SEM1: variants seen among roughly 807,000 people sequenced by gnomAD.
The protein encoded by SEM1 is 26S proteasome complex subunit SEM1.
SEM1 carries 3 observed loss-of-function variants against 12.7 expected under a neutral mutation model. That is an observed-to-expected ratio of 0.24 (90% confidence interval 0.11 to 0.61). The LOEUF is 0.61. SEM1 is among the 20% of genes least tolerant of loss of function. The pLI is 0.88. For missense variants in SEM1, 59 were observed against 81.3 expected (o/e 0.73, Z 1.06); for synonymous variants, 30 against 27.8 (o/e 1.08, Z -0.25).
At chr7:96,671,678 TGAAGA>T (rs1172665642), downstream of SEM1, among the ~76,000 whole-genome samples, 1 of 152,126 alleles carries the variant, frequency 6.6e-6, no homozygotes, top group Non-Finnish European at 1.5e-5. Flanking sequence ...TATAACCGAT[TGAAGA>T]GAAGGGAGGA....
intron 2 of SEM1, among the ~76,000 whole-genome samples, chr7:96,679,665 A>C (rs116616987): frequency 6.6e-6 from 1 of 152,194 alleles, no homozygotes; most frequent in African/African-American, 2.4e-5. Context: ...TAAGGTTTAA[A>C]TTGTCTAGAT....
At chr7:96,506,512 T>C (rs1281225236) in intron 3 of SEM1, 1 of 152,092 alleles carries the variant, frequency 6.6e-6, no homozygotes, top group African/African-American at 2.4e-5. Context: ...AAATGTCACC[T>C]AAGGAAACTC....
downstream of SEM1, among the ~76,000 whole-genome samples, chr7:96,669,235 T>G (rs192365788): frequency 3.1e-3 from 474 of 152,262 alleles, 1 homozygote; most frequent in South Asian, 0.015. Context: ...CAGAAATATA[T>G]TTTTATTTTT....
chr7:96,586,237 A>G (rs2116101695), intron 2 of SEM1, among the ~76,000 whole-genome samples: 1 of 152,232 alleles, frequency 6.6e-6, no homozygotes, highest in South Asian at 2.1e-4. Flanking sequence ...ACAAGAGTTT[A>G]CCACCTCTCT....
intron 2 of SEM1, among the ~76,000 whole-genome samples, chr7:96,557,591 C>T (rs1194070362): frequency 2.1e-5 from 2 of 95,950 alleles, no homozygotes; most frequent in African/African-American, 5.6e-5. Flanking sequence ...CTGCTCTCTT[C>T]AAAGCTGTCA....
downstream of SEM1, among the ~76,000 whole-genome samples, chr7:96,687,588 A>T (rs975592910): frequency 6.6e-6 from 1 of 151,634 alleles, no homozygotes; most frequent in African/African-American, 2.4e-5. Context: ...AACAATGAGA[A>T]CACATGGACA....
At chr7:96,685,966 A>G (rs1789750442), downstream of SEM1, among the ~76,000 whole-genome samples, 2 of 152,070 alleles carry the variant, frequency 1.3e-5, no homozygotes, top group African/African-American at 4.8e-5. Context: ...AAGTAACATC[A>G]GAACTCATGC....
chr7:96,530,923 T>A (rs1161806596), intron 2 of SEM1, among the ~76,000 whole-genome samples: 1 of 151,948 alleles, frequency 6.6e-6, no homozygotes, highest in Non-Finnish European at 1.5e-5. Flanking sequence ...AAGAACATGA[T>A]CATCATGAGA....
intron 2 of SEM1, among the ~76,000 whole-genome samples, chr7:96,647,897 C>G (rs1467101752): frequency 6.6e-6 from 1 of 152,216 alleles, no homozygotes; most frequent in African/African-American, 2.4e-5. Context: ...GAAGTTTGCT[C>G]TCTCCTGCAG....
At position 96,709,684 on chromosome 7, in the gene SEM1, T is replaced by C; in HGVS notation, c.76+4A>G. The C allele has an allele frequency of 6.2e-7, 1 of 1,613,130 alleles. No individual in the cohort carries two copies. Among genetic ancestry groups the C allele is most frequent in the Non-Finnish European group, 8.5e-7 (1 of 1,179,486 alleles). On this transcript the variant is annotated splice_donor_region_variant and intron_variant, in intron 1 of 2. Coordinates refer to ENST00000248566, the MANE Select transcript of SEM1 (RefSeq NM_006304.2). Reference sequence around the variant, plus strand: ...CGACACAGAAACCGGGGCCCAGCGGTTACCTTCGGCAGGGAACTCTTCAAA... The same window carrying C: ...CGACACAGAAACCGGGGCCCAGCGGCTACCTTCGGCAGGGAACTCTTCAAA...
intron 2 of SEM1, among the ~76,000 whole-genome samples, chr7:96,603,532 C>T (rs550516332): frequency 5.9e-5 from 9 of 152,236 alleles, no homozygotes; most frequent in African/African-American, 2.2e-4. Flanking sequence ...CACCCAACCT[C>T]CTCCCTGAGA....
chr7:96,672,582 G>A (rs1563106606), downstream of SEM1: 1 of 152,134 alleles, frequency 6.6e-6, no homozygotes, highest in African/African-American at 2.4e-5. Context: ...TAGTATGAAA[G>A]AACAACAATA....
intron 1 of SEM1, among the ~76,000 whole-genome samples, chr7:96,698,950 T>A (rs1201121885): frequency 6.6e-6 from 1 of 152,204 alleles, no homozygotes; most frequent in Non-Finnish European, 1.5e-5. Flanking sequence ...TATTTGTTTT[T>A]TCTTTCGCTT....
At chr7:96,648,747 G>T (rs945162184) in intron 2 of SEM1, among the ~76,000 whole-genome samples, 4 of 152,210 alleles carry the variant, frequency 2.6e-5, no homozygotes, top group Non-Finnish European at 5.9e-5. Context: ...AAAGAAGAAG[G>T]ACTGAGCAGA....
intron 2 of SEM1, among the ~76,000 whole-genome samples, chr7:96,513,705 T>A (rs1467285321): frequency 2.0e-5 from 3 of 152,042 alleles, no homozygotes; most frequent in African/African-American, 7.2e-5. Context: ...GGTGTGCACC[T>A]GTAATCCCAG....
intron 2 of SEM1, chr7:96,650,264 TG>T (rs1436606451): frequency 4.4e-6 from 2 of 450,496 alleles, no homozygotes; most frequent in African/African-American, 4.0e-5. Flanking sequence ...GAACAAACTA[TG>T]GGAAATTCCG....
exon 3 of SEM1, chr7:96,673,673 T>A: frequency 1.4e-6 from 1 of 726,658 alleles, no homozygotes; most frequent in Non-Finnish European, 2.5e-6. Context: ...TCCACATGAC[T>A]AGTGCTCAAT....
chr7:96,570,419 C>G (rs1805984039), intron 2 of SEM1, among the ~76,000 whole-genome samples: 1 of 151,932 alleles, frequency 6.6e-6, no homozygotes, highest in African/African-American at 2.4e-5. Context: ...TTGTTCAACT[C>G]CCACTTACGA....
chr7:96,549,010 C>A (rs968914299), intron 2 of SEM1, among the ~76,000 whole-genome samples: 1 of 152,108 alleles, frequency 6.6e-6, no homozygotes, highest in Non-Finnish European at 1.5e-5. Flanking sequence ...GACACCTGGG[C>A]TGTCTAGGGA....
Sources: gnomAD v4.1 joint callset for allele counts (sites outside exome capture counted in the v4.1 genomes callset) on GRCh38, gnomAD v4.1.1 for gene constraint, MANE v1.5 for transcripts, NCBI Gene and HGNC (gene_info 2026-07-23, HGNC 2026-07-21) for gene names.